The following ROBO1 variants were observed in gnomAD, a reference collection of about 807,000 sequenced individuals.
ROBO1 encodes roundabout homolog 1.
A neutral mutation model predicts 195.9 loss-of-function variants in ROBO1; 149 were observed. The ratio of observed to expected loss-of-function variants is 0.76; its 90% CI spans 0.67 to 0.87. The LOEUF is 0.87. Ranked by LOEUF, ROBO1 falls within the 40% of genes least tolerant of loss-of-function variation. The pLI is 0.00. For missense variants in ROBO1, 1,933 were observed against 2,068.3 expected (o/e 0.93, Z 1.27); for synonymous variants, 816 against 733.2 (o/e 1.11, Z -1.82).
At chr3:79,668,571 T>C (rs1946539593) in intron 1 of ROBO1, among the ~76,000 whole-genome samples, 1 of 151,590 alleles carries the variant, frequency 6.6e-6, no homozygotes, top group Admixed American at 6.6e-5. Flanking sequence ...GGATAATCAT[T>C]CAGCCCAGGG....
At chr3:79,133,934 T>C (rs997383451) in intron 2 of ROBO1, among the ~76,000 whole-genome samples, 8 of 152,160 alleles carry the variant, frequency 5.3e-5, no homozygotes, top group Non-Finnish European at 1.0e-4. Flanking sequence ...TCTGTTGGAA[T>C]ACCCTGCCGT....
At chr3:79,597,957 G>A (rs1033254852) in intron 1 of ROBO1, among the ~76,000 whole-genome samples, 3 of 151,968 alleles carry the variant, frequency 2.0e-5, no homozygotes, top group African/African-American at 2.4e-5. Context: ...TATGAATCAC[G>A]GCCGTTTTGT....
At chr3:78,976,083 ATAGGC>A (rs2076878886) in intron 3 of ROBO1, among the ~76,000 whole-genome samples, 1 of 152,170 alleles carries the variant, frequency 6.6e-6, no homozygotes, top group Non-Finnish European at 1.5e-5. Context: ...CATTCTATTA[ATAGGC>A]TATGGCATCG....
At chr3:79,740,611 C>T (rs373113371) in intron 1 of ROBO1, among the ~76,000 whole-genome samples, 3 of 152,042 alleles carry the variant, frequency 2.0e-5, no homozygotes, top group South Asian at 4.1e-4. Flanking sequence ...CTTATAAGAC[C>T]ATCAGATCTC....
chr3:78,735,678 C>T (rs955448546), intron 5 of ROBO1, among the ~76,000 whole-genome samples: 21 of 152,030 alleles, frequency 1.4e-4, no homozygotes, highest in African/African-American at 5.1e-4. Flanking sequence ...ATTTTCAATG[C>T]TGTTACCAAG....
chr3:79,358,281 G>A (rs781620915), intron 2 of ROBO1, among the ~76,000 whole-genome samples: 2 of 151,962 alleles, frequency 1.3e-5, no homozygotes, highest in Admixed American at 6.6e-5. Context: ...ATATAGATAC[G>A]GCTATTCATA....
intron 1 of ROBO1, among the ~76,000 whole-genome samples, chr3:79,639,051 T>G (rs1283038532): frequency 6.6e-6 from 1 of 152,220 alleles, no homozygotes; most frequent in African/African-American, 2.4e-5. Context: ...AATGTTCACT[T>G]GCATAGCATC....
intron 4 of ROBO1, among the ~76,000 whole-genome samples, chr3:78,918,932 C>T (rs909260768): frequency 2.0e-5 from 3 of 152,166 alleles, no homozygotes; most frequent in African/African-American, 7.2e-5. Context: ...GTTTCTGCAA[C>T]CAAGTTAGTG....
In ROBO1 at chr3:79,378,897, G is replaced by T. The variant is rs140522931; in HGVS notation, c.88+210927C>A. On this transcript the variant is annotated intron_variant, in intron 2 of 30. Transcript: ENST00000464233. ...GCTCCGCCTCTTCCTGTGTAACCCT[G>T]AACAAGCAAATCGCCCTGGAGCTTC... Among the ~76,000 whole-genome samples the T allele has an allele frequency of 1.8e-4, 27 of 152,258 alleles. No individual in the cohort carries two copies. In the East Asian group the frequency reaches 4.8e-3, roughly 27 times the overall value.
chr3:79,511,739 C>T (rs986857580), intron 2 of ROBO1, among the ~76,000 whole-genome samples: 3 of 152,014 alleles, frequency 2.0e-5, no homozygotes, highest in African/African-American at 7.2e-5. Flanking sequence ...ACTATGCAGC[C>T]ATAAAAAAGA....
intron 2 of ROBO1, among the ~76,000 whole-genome samples, chr3:79,517,471 T>G (rs1456939699): frequency 6.6e-6 from 1 of 152,188 alleles, no homozygotes; most frequent in Non-Finnish European, 1.5e-5. Context: ...CCTTTCAGCC[T>G]ATTAACCTTT....
chr3:78,979,671 T>C (rs2076951141), intron 3 of ROBO1, among the ~76,000 whole-genome samples: 1 of 152,130 alleles, frequency 6.6e-6, no homozygotes, highest in South Asian at 2.1e-4. Context: ...AACAACACTA[T>C]GTTCATTGAA....
chr3:79,364,271 CAT>C (rs763630261), intron 2 of ROBO1, among the ~76,000 whole-genome samples: 2,118 of 148,126 alleles, frequency 0.014, 39 homozygotes, highest in African/African-American at 0.048. Context: ...TACACACACA[CAT>C]ATATATATAT....
intron 2 of ROBO1, among the ~76,000 whole-genome samples, chr3:79,401,741 C>A (rs1173410980): frequency 6.6e-6 from 1 of 151,816 alleles, no homozygotes; most frequent in Non-Finnish European, 1.5e-5. Flanking sequence ...ATTATAAATA[C>A]AGGTACTCTG....
intron 2 of ROBO1, among the ~76,000 whole-genome samples, chr3:79,216,555 TC>T (rs2082058414): frequency 6.6e-6 from 1 of 151,998 alleles, no homozygotes; most frequent in African/African-American, 2.4e-5. Flanking sequence ...GACCAAGGGA[TC>T]CTTTTCCCTT....
intron 1 of ROBO1, among the ~76,000 whole-genome samples, chr3:79,709,878 G>T (rs538698708): frequency 6.6e-6 from 1 of 152,244 alleles, no homozygotes; most frequent in East Asian, 1.9e-4. Context: ...TGAGGATACA[G>T]CAAGAATGCA....
chr3:79,440,716 G>C (rs966842880), intron 2 of ROBO1, among the ~76,000 whole-genome samples: 1 of 152,180 alleles, frequency 6.6e-6, no homozygotes, highest in South Asian at 2.1e-4. Flanking sequence ...ACAAAAGAGA[G>C]GCACATTTGT....
At chr3:79,003,982 T>TC (rs2077564479) in intron 3 of ROBO1, among the ~76,000 whole-genome samples, 3 of 152,138 alleles carry the variant, frequency 2.0e-5, no homozygotes, top group African/African-American at 7.2e-5. Flanking sequence ...CTACTCTAAA[T>TC]CCAAGACATG....
At chr3:79,009,152 C>T (rs1426385362) in intron 3 of ROBO1, among the ~76,000 whole-genome samples, 2 of 143,128 alleles carry the variant, frequency 1.4e-5, no homozygotes, top group Non-Finnish European at 3.0e-5. Context: ...CGGGGTTTCA[C>T]CATGTTGGCC....
Sources: gnomAD v4.1 joint callset for allele counts (sites outside exome capture counted in the v4.1 genomes callset) on GRCh38, gnomAD v4.1.1 for gene constraint, MANE v1.5 for transcripts, NCBI Gene and HGNC (gene_info 2026-07-23, HGNC 2026-07-21) for gene names.